The following PKIB variants were observed in gnomAD, a reference collection of about 807,000 sequenced individuals.
PKIB encodes PKI-beta.
Under a neutral mutation model 4.5 loss-of-function variants are expected in PKIB, and 2 were observed. That is an observed-to-expected ratio of 0.44 (90% CI 0.18 to 1.39). The LOEUF is 1.39. Ranked by LOEUF, PKIB falls within the 40% of genes most tolerant of loss-of-function variation. The pLI, the probability that PKIB is intolerant of heterozygous loss-of-function variation, is 0.27. For synonymous variants in PKIB, 38 were observed against 36.0 expected (o/e 1.06, Z -0.20); for missense variants, 94 against 92.6 (o/e 1.02, Z -0.06).
chr6:122,576,710 A>ATATTTTTT (rs59569106), intron 2 of PKIB, among the ~76,000 whole-genome samples: 93 of 109,970 alleles, frequency 8.5e-4, no homozygotes, highest in East Asian at 2.9e-3. Flanking sequence ...ATATATATAT[A>ATATTTTTT]TTTTCTTTTG....
At position 122,695,289 on chromosome 6, in the gene PKIB, T is replaced by A. The variant is rs146018689; in HGVS notation, c.-9+20145T>A. 3.0e-3 allele frequency among the ~76,000 whole-genome samples: 456 copies of A among 152,232 alleles called. 16 individuals are homozygous for A. In the East Asian group the frequency reaches 0.078, roughly 26 times the overall value. The stretch of plus-strand genomic sequence containing the variant: ...ATATTAGATAGGATTATACCACCAA[T>A]GAGAGAAGTATTTGTTTCTGTTTTA... On this transcript the variant is annotated intron_variant, in intron 3 of 4. Transcript: ENST00000368452.
intron 2 of PKIB, among the ~76,000 whole-genome samples, chr6:122,573,544 G>GAA (rs199878368): frequency 7.4e-6 from 1 of 134,824 alleles, no homozygotes; most frequent in Non-Finnish European, 1.6e-5. Flanking sequence ...AAAAGAAAAA[G>GAA]AAAAAAAAAA....
At position 122,573,280 on chromosome 6, in the gene PKIB, C is replaced by T. The variant is rs540120651; in HGVS notation, c.-247-12641C>T. ...AGATAATACATCATGATTGGCTGGG[C>T]GCAGTGGCTCATGCCTGTGATCTTA... On this transcript the variant is annotated intron_variant, in intron 2 of 6. Transcript: ENST00000392491. Among the ~76,000 whole-genome samples the T allele has an allele frequency of 6.0e-4, 92 of 152,096 alleles. 1 individual carries two copies. Among genetic ancestry groups the T allele is most frequent in the African/African-American group, 2.1e-3 (88 of 41,498 alleles).
In PKIB at chr6:122,500,885, G is replaced by GGA. The variant is rs567811117; in HGVS notation, c.-248+22956_-248+22957dup. On this transcript the variant is annotated intron_variant, in intron 2 of 6. Coordinates refer to the PKIB transcript ENST00000392491. ...GGCACAGTCTTCATATAGTAGAGCAGGAGAGAGAGAGCAAAGGTGGAAGCA... is the reference window on the plus strand; with the variant it reads ...GGCACAGTCTTCATATAGTAGAGCAGGAGAGAGAGAGAGCAAAGGTGGAAGCA... Among the ~76,000 whole-genome samples the GGA allele has an allele frequency of 1.6e-3, 247 of 152,180 alleles. 2 individuals are homozygous for GGA. The highest frequency in any genetic ancestry group is 2.8e-3 in the Non-Finnish European group (193 of 67,996).
intron 3 of PKIB, among the ~76,000 whole-genome samples, chr6:122,595,821 CAG>C (rs952690041): frequency 2.0e-5 from 3 of 152,150 alleles, no homozygotes; most frequent in Non-Finnish European, 4.4e-5. Flanking sequence ...TGGACGATGA[CAG>C]GGGTGGCTGG....
chr6:122,661,049 T>A (rs375747045), intron 2 of PKIB, among the ~76,000 whole-genome samples: 20 of 152,150 alleles, frequency 1.3e-4, no homozygotes, highest in East Asian at 9.7e-4. Context: ...TAAAATAACC[T>A]CAATTTGGGA....
chr6:122,701,635 T>C, intron 3 of PKIB: 1 of 1,024,402 alleles, frequency 9.8e-7, no homozygotes, highest in Non-Finnish European at 1.4e-6. Flanking sequence ...CCTTGCCAAA[T>C]AACTCAGAAC....
At chr6:122,654,845 G>T in intron 2 of PKIB, among the ~76,000 whole-genome samples, 1 of 151,816 alleles carries the variant, frequency 6.6e-6, no homozygotes, top group Non-Finnish European at 1.5e-5. Context: ...TTTTTTTCTT[G>T]TAGGAGAAAA....
At chr6:122,706,485 C>A (rs1779060296) in intron 3 of PKIB, among the ~76,000 whole-genome samples, 1 of 152,088 alleles carries the variant, frequency 6.6e-6, no homozygotes, top group African/African-American at 2.4e-5. Context: ...AGATGCTTAA[C>A]AATAATTGAT....
At chr6:122,520,675 C>CA (rs1554217180) in intron 2 of PKIB, among the ~76,000 whole-genome samples, 9 of 134,698 alleles carry the variant, frequency 6.7e-5, no homozygotes, top group Non-Finnish European at 1.4e-4. Flanking sequence ...ACCCCCCCCC[C>CA]ACCAAATTTA....
chr6:122,647,440 T>C (rs1200812240), intron 2 of PKIB, among the ~76,000 whole-genome samples: 3 of 152,210 alleles, frequency 2.0e-5, no homozygotes, highest in African/African-American at 7.2e-5. Flanking sequence ...TTTGCAACTT[T>C]AGACTCATGC....
chr6:122,598,187 T>G (rs1273365460), intron 3 of PKIB, among the ~76,000 whole-genome samples: 1 of 152,192 alleles, frequency 6.6e-6, no homozygotes, highest in Non-Finnish European at 1.5e-5. Flanking sequence ...GGAAATTGAT[T>G]GAAAGGCTGT....
intron 2 of PKIB, among the ~76,000 whole-genome samples, chr6:122,666,908 G>A (rs548619597): frequency 6.6e-6 from 1 of 152,110 alleles, no homozygotes; most frequent in East Asian, 1.9e-4. Context: ...GCACTGGTTC[G>A]ATTATAACCT....
chr6:122,511,272 C>G (rs1776576449), intron 2 of PKIB, among the ~76,000 whole-genome samples: 1 of 152,156 alleles, frequency 6.6e-6, no homozygotes, highest in African/African-American at 2.4e-5. Flanking sequence ...GAACCAAGCA[C>G]AAAATTGTTC....
chr6:122,667,249 A>C (rs546852071), intron 2 of PKIB, among the ~76,000 whole-genome samples: 2 of 152,324 alleles, frequency 1.3e-5, no homozygotes, highest in South Asian at 4.1e-4. Flanking sequence ...CTTTAACCTC[A>C]GATATACCTA....
At chr6:122,623,732 T>C (rs1034898609) in intron 1 of PKIB, among the ~76,000 whole-genome samples, 2 of 152,156 alleles carry the variant, frequency 1.3e-5, no homozygotes, top group African/African-American at 4.8e-5. Context: ...TACACAAATA[T>C]GTTGAAGATC....
intron 3 of PKIB, among the ~76,000 whole-genome samples, chr6:122,596,221 A>C (rs531431001): frequency 6.6e-6 from 1 of 152,284 alleles, no homozygotes; most frequent in East Asian, 1.9e-4. Flanking sequence ...CTAATGCTAC[A>C]GCTGTCCACT....
chr6:122,541,805 C>T (rs1777613859), intron 2 of PKIB, among the ~76,000 whole-genome samples: 1 of 151,864 alleles, frequency 6.6e-6, no homozygotes, highest in Admixed American at 6.6e-5. Context: ...TTCTCCCCGT[C>T]ATTTTCAGGT....
chr6:122,701,219 T>C (rs528976756), intron 3 of PKIB: 5 of 457,500 alleles, frequency 1.1e-5, no homozygotes, highest in Admixed American at 3.5e-5. Context: ...TGCTTGGTTC[T>C]CCATGGTGTG....
Sources: gnomAD v4.1 joint callset for allele counts (sites outside exome capture counted in the v4.1 genomes callset) on GRCh38, gnomAD v4.1.1 for gene constraint, MANE v1.5 for transcripts, NCBI Gene and HGNC (gene_info 2026-07-23, HGNC 2026-07-21) for gene names.